SEC23B: variants seen among roughly 807,000 people sequenced by gnomAD.
SEC23B encodes the protein SEC23 homolog B, COPII component.
In SEC23B, 77 loss-of-function variants were observed where a neutral mutation model predicts 104.3. That is an observed-to-expected ratio of 0.74 (90% CI 0.61 to 0.89). SEC23B has a LOEUF of 0.89. SEC23B is among the 40% of genes least tolerant of loss of function. The pLI is 0.00. For missense variants in SEC23B, 885 were observed against 949.4 expected (o/e 0.93, Z 0.89); for synonymous variants, 338 against 332.5 (o/e 1.02, Z -0.18).
In SEC23B at chr20:18,548,711, C is replaced by T; in HGVS notation, c.1846C>T (p.Gln616Ter). 11 of 1,614,176 alleles carry T rather than the reference C, an allele frequency of 6.8e-6. No homozygotes were observed. Among genetic ancestry groups the T allele is most frequent in the Non-Finnish European group, 9.3e-6 (11 of 1,180,042 alleles). The change falls in exon 16 of 20, where the codon CAG becomes TAG. Residue 616 changes from glutamine (Q) to a stop codon, truncating the protein, a stop_gained. Transcript: ENST00000650089. LOFTEE classifies it high-confidence loss of function. ...RHHFARQDLT[Q>*]SLIMIQPILY... is the part of the protein sequence containing the mutation. ...TCATTTTGCCCGGCAGGACCTGACC[C>T]AGTCCCTCATCATGATCCAGCCCAT...
At chr20:18,516,377 A>G (rs2060025810) in intron 4 of SEC23B, among the ~76,000 whole-genome samples, 2 of 151,210 alleles carry the variant, frequency 1.3e-5, no homozygotes, top group Admixed American at 1.3e-4. Flanking sequence ...CTGTTTACCC[A>G]TATGTTGGAG....
rs1376406550 is a variant in SEC23B at position 18,524,913 on chromosome 20, T to G, written c.604-22T>G. The G allele has an allele frequency of 1.9e-6, 3 of 1,609,330 alleles. No homozygotes were observed. The East Asian group carries it at 6.7e-5, about 36-fold the overall frequency. On this transcript the variant is annotated intron_variant, in intron 5 of 19. Transcript: ENST00000650089. Reference sequence around the variant, plus strand: ...TTTTAGTGTCATTGGAAATGAATCTTTTTGGCTTTTTTTTTTTTAAGGATA... The same window carrying G: ...TTTTAGTGTCATTGGAAATGAATCTGTTTGGCTTTTTTTTTTTTAAGGATA...
In SEC23B at chr20:18,542,245, G is replaced by GT; in HGVS notation, c.1405-50dup. 3.4e-6 allele frequency: 5 copies of GT among 1,474,878 alleles called. 1 individual carries two copies. The South Asian group carries it at 5.7e-5, about 17-fold the overall frequency. 91.4% of individuals were successfully genotyped at this position (1,474,878 alleles called of 1,614,324 possible). A position where few individuals can be genotyped will look rare whatever the true frequency, so the allele number is the denominator to read the frequency against. ...GAAGAGTACAGTGGGCTCTGTGACC[G>GT]TGTTTGAGTTGCGCCTATAACAGAC... On this transcript the variant is annotated intron_variant, in intron 12 of 19. Transcript: ENST00000650089.
Position 18,526,426 on chromosome 20 carries a change from T to TTG in SEC23B, c.888_889insTG (p.Thr297Ter). The TTG allele has an allele frequency of 6.2e-7, 1 of 1,614,228 alleles. No individual in the cohort carries two copies. Among genetic ancestry groups the TTG allele is most frequent in the Non-Finnish European group, 8.5e-7 (1 of 1,180,026 alleles). On this transcript the variant is annotated frameshift_variant, in exon 8 of 20. Coordinates refer to ENST00000650089, the MANE Select transcript of SEC23B (RefSeq NM_006363.6). LOFTEE classifies it high-confidence loss of function. Reference sequence around the variant, plus strand: ...TCATGCTGTTTACTGGAGGTCCCCCTACCCAAGGGCCTGGCATGGTGGTTG... The same window carrying TTG: ...TCATGCTGTTTACTGGAGGTCCCCCTTGACCCAAGGGCCTGGCATGGTGGTTG...
intron 19 of SEC23B, among the ~76,000 whole-genome samples, chr20:18,556,266 C>G (rs2060437532): frequency 6.6e-6 from 1 of 152,066 alleles, no homozygotes; most frequent in Non-Finnish European, 1.5e-5. Context: ...TTGGGGACCC[C>G]TGATTTAAAG....
chr20:18,534,888 AG>A lies in SEC23B; in HGVS notation c.1315-761del, dbSNP rs1378177379. Reference sequence around the variant, plus strand: ...TTAGAATGGGGTTAGCAAGGCAAGAAGGGGAGGCATGAATGCTCCTTTGACT... The same window carrying A: ...TTAGAATGGGGTTAGCAAGGCAAGAAGGGAGGCATGAATGCTCCTTTGACT... On this transcript the variant is annotated intron_variant, in intron 11 of 19. Coordinates refer to ENST00000650089, the MANE Select transcript of SEC23B (RefSeq NM_006363.6). Among the ~76,000 whole-genome samples, 28 of 152,326 alleles carry A rather than the reference AG, an allele frequency of 1.8e-4. No homozygotes were observed. The East Asian group carries it at 5.4e-3, about 29-fold the overall frequency.
rs369987749 is a variant in SEC23B at position 18,512,770 on chromosome 20, G to A, written c.279+488G>A. Among the ~76,000 whole-genome samples, 24 of 152,218 alleles carry A rather than the reference G, an allele frequency of 1.6e-4. No homozygotes were observed. The East Asian group carries it at 4.4e-3, about 28-fold the overall frequency. ...GACTTCTCTATAAAAGTAACTGTGC[G>A]GCCAGGCCTAGTGGCTCATGCCTGT... On this transcript the variant is annotated intron_variant, in intron 3 of 19. Transcript: ENST00000650089.
intron 1 of SEC23B, among the ~76,000 whole-genome samples, chr20:18,510,493 A>G (rs1412588867): frequency 6.6e-6 from 1 of 152,196 alleles, no homozygotes; most frequent in African/African-American, 2.4e-5. Context: ...GGCCGGGTAC[A>G]GTGGGTCACG....
At chr20:18,531,145 C>T (rs1173402067) in intron 10 of SEC23B, among the ~76,000 whole-genome samples, 3 of 152,188 alleles carry the variant, frequency 2.0e-5, no homozygotes, top group Admixed American at 1.3e-4. Context: ...TTCTAAGTAA[C>T]AAGCTGCCTG....
At chr20:18,516,717 A>G (rs1434372900) in intron 4 of SEC23B, among the ~76,000 whole-genome samples, 2 of 151,622 alleles carry the variant, frequency 1.3e-5, no homozygotes, top group Non-Finnish European at 2.9e-5. Flanking sequence ...ACGCCCGGCT[A>G]ATTTTTTTAA....
chr20:18,525,768 T>G lies in SEC23B; in HGVS notation c.690-20T>G, dbSNP rs368958340. 11 of 1,614,002 alleles carry G rather than the reference T, an allele frequency of 6.8e-6. No homozygotes were observed. The highest frequency in any genetic ancestry group is 9.3e-6 in the Non-Finnish European group (11 of 1,179,956). On this transcript the variant is annotated intron_variant, in intron 6 of 19. Transcript: ENST00000650089. ...GTACTTTATTCAATCTGGGTTGATG[T>G]GTCTGTTAAAATCTTGCAGATTTCT... is the stretch of plus-strand genomic sequence containing the variant.
chr20:18,551,174 A>T lies in SEC23B; in HGVS notation c.1991A>T (p.Glu664Val). Residue 664 changes from glutamate to valine, a missense_variant and splice_region_variant, in exon 17 of 20, where the codon GAG becomes GTG. Coordinates refer to ENST00000650089, the MANE Select transcript of SEC23B (RefSeq NM_006363.6). Reference sequence around the variant, plus strand: ...TTTCAAATTGTCATTTATCTTGGTGAGGTAAGATGATATTATTAATTAATT... The same window carrying T: ...TTTCAAATTGTCATTTATCTTGGTGTGGTAAGATGATATTATTAATTAATT... ...TFFQIVIYLG[E>V]TIAQWRKAGY... The T allele has an allele frequency of 6.6e-7, 1 of 1,510,320 alleles. No homozygotes were observed. The highest frequency in any genetic ancestry group is 1.1e-5 in the South Asian group (1 of 88,572). 93.6% of individuals were successfully genotyped at this position (1,510,320 alleles called of 1,614,324 possible).
At chr20:18,516,083 A>G (rs1292514772) in intron 4 of SEC23B, 2 of 275,462 alleles carry the variant, frequency 7.3e-6, no homozygotes, top group African/African-American at 4.5e-5. Context: ...GGAAAATCCC[A>G]TTGGCTCTAT....
intron 17 of SEC23B, 46 bp downstream of exon 17, chr20:18,551,221 T>C (rs1439000841): frequency 7.5e-6 from 8 of 1,070,450 alleles, no homozygotes; most frequent in Non-Finnish European, 1.1e-5. Context: ...GTTTTTAAAT[T>C]GGAGAAAAGG....
At chr20:18,512,540 T>C (rs2059990460) in intron 3 of SEC23B, among the ~76,000 whole-genome samples, 1 of 152,184 alleles carries the variant, frequency 6.6e-6, no homozygotes, top group South Asian at 2.1e-4. Flanking sequence ...ACATTTTCTG[T>C]AGGCAGTGAA....
Position 18,518,526 on chromosome 20 carries a change from T to C in SEC23B, c.366+2790T>C, listed in dbSNP as rs898335996. 2.0e-5 allele frequency among the ~76,000 whole-genome samples: 3 copies of C among 148,614 alleles called. No individual in the cohort carries two copies. The East Asian group carries it at 6.0e-4, about 30-fold the overall frequency. On this transcript the variant is annotated intron_variant, in intron 4 of 19. Transcript: ENST00000650089. ...GCAGGCTAATGGCTTGTAACCTACA[T>C]GGAAGAGATTATGAAATGACAACAG... is the stretch of plus-strand genomic sequence containing the variant.
Position 18,524,432 on chromosome 20 carries a change from G to A in SEC23B, c.367-1G>A, listed in dbSNP as rs1380097145. On this transcript the variant is annotated splice_acceptor_variant, in intron 4 of 19. Transcript: ENST00000650089. LOFTEE classifies it high-confidence loss of function. The stretch of plus-strand genomic sequence containing the variant: ...ATTATGCTGTTTTTCTTTGCCCAAA[G>A]CGAGGTGCTCAGTCCCCTCTGATCT... 5 of 1,611,746 alleles carry A rather than the reference G, an allele frequency of 3.1e-6. No homozygotes were observed. Among genetic ancestry groups the A allele is most frequent in the Middle Eastern group, 1.7e-4 (1 of 6,058 alleles).
intron 6 of SEC23B, 150 bp downstream of exon 6, chr20:18,525,170 CA>C (rs1470560142): frequency 5.8e-6 from 5 of 855,390 alleles, no homozygotes; most frequent in Non-Finnish European, 7.5e-6. Context: ...AGTGTTTTGT[CA>C]AAAAGGTTTG....
intron 12 of SEC23B, among the ~76,000 whole-genome samples, chr20:18,536,386 G>A (rs2060230929): frequency 6.6e-6 from 1 of 152,198 alleles, no homozygotes; most frequent in South Asian, 2.1e-4. Context: ...TGCTGACACT[G>A]CATAGTTAAA....
Sources: allele counts gnomAD v4.1 joint callset (sites outside exome capture counted in the v4.1 genomes callset), GRCh38; gene constraint gnomAD v4.1.1; transcripts MANE v1.5; gene names NCBI Gene and HGNC (gene_info 2026-07-23, HGNC 2026-07-21).